The following ZP4 variants were observed in gnomAD, a reference collection of about 807,000 sequenced individuals.
ZP4 encodes zona pellucida glycoprotein 4, also known as zona pellucida sperm-binding protein 4.
A neutral mutation model predicts 62.3 loss-of-function variants in ZP4; 62 were observed. The observed-to-expected ratio is 0.99, with a 90% confidence interval of 0.81 to 1.23. The LOEUF (loss-of-function observed/expected upper bound fraction) is 1.23, where lower values mean the gene tolerates loss of function less well. Ranked by LOEUF, ZP4 falls within the 50% of genes most tolerant of loss-of-function variation. ZP4 has a pLI of 0.00. For missense variants in ZP4, 774 were observed against 656.0 expected, an observed-to-expected ratio of 1.18 and a Z score of -1.97; for synonymous variants, 289 against 247.3, an observed-to-expected ratio of 1.17 and a Z score of -1.58.
In ZP4 at chr1:237,882,536, G is replaced by A; in HGVS notation, c.1509C>T (p.Asp503=). ...DPPEKLRVPV[D]SKVLWVAGLS... is the part of the protein sequence containing the mutation. Reference sequence around the variant, plus strand: ...GGCCTGCCACCCACAGAACTTTCGAGTCTACAGGAACACCTGGAGGATGGA... The same window carrying A: ...GGCCTGCCACCCACAGAACTTTCGAATCTACAGGAACACCTGGAGGATGGA... The change falls in exon 12 of 12, where the codon GAC becomes GAT. Residue 503 remains aspartate (D), a synonymous_variant. Transcript: ENST00000366570. 1 of 1,603,354 alleles carries A rather than the reference G, an allele frequency of 6.2e-7. No individual in the cohort carries two copies. Among genetic ancestry groups the A allele is most frequent in the Non-Finnish European group, 8.5e-7 (1 of 1,176,808 alleles).
At chr1:237,884,900 C>T in intron 9 of ZP4, 53 bp from the exon 10 acceptor site, 1 of 1,570,312 alleles carries the variant, frequency 6.4e-7, no homozygotes, top group Non-Finnish European at 8.7e-7. Flanking sequence ...CCATGTATCT[C>T]TAAACCTGCT....
In ZP4 at chr1:237,887,079, A is replaced by G. The variant is rs1665120764; in HGVS notation, c.742-211T>C. Among the ~76,000 whole-genome samples, 3 of 152,204 alleles carry G rather than the reference A, an allele frequency of 2.0e-5. No homozygotes were observed. In the South Asian group the frequency reaches 6.2e-4, roughly 32 times the overall value. ...GGAATAAGAAGGAATTTGAGCACCT[A>G]GGAGAGGCAGCTGAAGCACTACCAA... On this transcript the variant is annotated intron_variant, in intron 5 of 11. Coordinates refer to ENST00000366570, the MANE Select transcript of ZP4 (RefSeq NM_021186.5).
intron 10 of ZP4, 52 bp from the exon 11 acceptor site, chr1:237,882,898 AGGGATAGAAAATG>A (rs1664950337): frequency 1.3e-6 from 2 of 1,515,248 alleles, no homozygotes; most frequent in East Asian, 4.5e-5. Context: ...CACATAGGGC[AGGGATAGAAAATG>A]TTATGGTGCA....
Position 237,887,001 on chromosome 1 carries a change from C to T in ZP4, c.742-133G>A, listed in dbSNP as rs1246464718. 25 of 771,496 alleles carry T rather than the reference C, an allele frequency of 3.2e-5. 1 individual carries two copies. In the South Asian group the frequency reaches 3.5e-4, roughly 11 times the overall value. The allele number at this position is 771,496 out of a possible 1,614,324, so 47.8% of individuals were successfully genotyped here. A position where few individuals can be genotyped will look rare whatever the true frequency, so the allele number is the denominator to read the frequency against. On this transcript the variant is annotated intron_variant, in intron 5 of 11. Coordinates refer to ENST00000366570, the MANE Select transcript of ZP4 (RefSeq NM_021186.5). ...CCTATTACTTCAGCAGAGGTAAGAACACATAGCAGTGACATCCTGGCAAGT... is the reference window on the plus strand; with the variant it reads ...CCTATTACTTCAGCAGAGGTAAGAATACATAGCAGTGACATCCTGGCAAGT...
chr1:237,887,065 G>C (rs1665120471), intron 5 of ZP4, among the ~76,000 whole-genome samples, 197 bp from the exon 6 acceptor site: 1 of 152,168 alleles, frequency 6.6e-6, no homozygotes, highest in African/African-American at 2.4e-5. Context: ...GAATAAGAAG[G>C]AATTTGAGCA....
rs748586091 is a variant in ZP4, at chr1:237,882,835, A to G, written c.1402T>C (p.Phe468Leu). 1 of 1,613,442 alleles carries G rather than the reference A, an allele frequency of 6.2e-7. No homozygotes were observed. The highest frequency in any genetic ancestry group is 1.1e-5 in the South Asian group (1 of 91,036). ...GTAGTGTTCTGAGAACTGTTGTCAAAATTTCTTCTTCCTGTTAGAGAAATG... is the reference window on the plus strand; with the variant it reads ...GTAGTGTTCTGAGAACTGTTGTCAAGATTTCTTCTTCCTGTTAGAGAAATG... The part of the protein sequence containing the change: ...TCPDLSRRRN[F>L]DNSSQNTTAS... Residue 468 changes from phenylalanine to leucine, a missense_variant, in exon 11 of 12, where the codon TTT (phenylalanine) becomes CTT (leucine). Coordinates refer to ENST00000366570, the MANE Select transcript of ZP4 (RefSeq NM_021186.5).
intron 10 of ZP4, among the ~76,000 whole-genome samples, chr1:237,883,724 CGGGG>C (rs1664985270): frequency 2.4e-4 from 2 of 8,474 alleles, no homozygotes; most frequent in African/African-American, 3.0e-4. Context: ...CGGGGGAGGG[CGGGG>C]GAGGGAGAGA....
rs770619492 is a variant in ZP4, at chr1:237,890,093, A to G, written c.259T>C (p.Leu87=). Residue 87 remains leucine (L), a synonymous_variant, in exon 2 of 12, where the codon TTG becomes CTG. Transcript: ENST00000366570. ...TAGCAGCTGCTATAGGTTGCCTCCA[A>G]CACCACGGAGCTGCCTGGACCTTTT... ...IRKGPGSSVV[L]EATYSSCYVT... is the part of the protein sequence containing the mutation. 18 of 1,614,104 alleles carry G rather than the reference A, an allele frequency of 1.1e-5. No individual in the cohort carries two copies. The highest frequency in any genetic ancestry group is 1.5e-5 in the Non-Finnish European group (18 of 1,180,026).
rs1356859018 is a variant in ZP4, at chr1:237,887,558, G to T, written c.557C>A (p.Thr186Asn). 6.2e-7 allele frequency: 1 copy of T among 1,613,686 alleles called. No individual in the cohort carries two copies. The change falls in exon 5 of 12, where the codon ACC (threonine) becomes AAC (asparagine). Residue 186 changes from threonine (T) to asparagine (N), a missense_variant. Coordinates refer to ENST00000366570, the MANE Select transcript of ZP4 (RefSeq NM_021186.5). Reference protein sequence around the residue: ...VNSCYYGNTVTLHCTREGHFS... With the variant: ...VNSCYYGNTVNLHCTREGHFS... Reference sequence around the variant, plus strand: ...ATGGCCCTCTCGGGTACAATGCAAGGTCACTGAAACAGAGCAGCTGTGCTG... The same window carrying T: ...ATGGCCCTCTCGGGTACAATGCAAGTTCACTGAAACAGAGCAGCTGTGCTG...
intron 10 of ZP4, among the ~76,000 whole-genome samples, chr1:237,884,031 CAAACACACACAA>C (rs1329280433): frequency 0.011 from 1,061 of 100,608 alleles, 36 homozygotes; most frequent in African/African-American, 0.034. Context: ...CACACACACA[CAAACACACACAA>C]ACACACACAA....
intron 10 of ZP4, among the ~76,000 whole-genome samples, chr1:237,883,962 A>G: frequency 1.3e-5 from 1 of 78,534 alleles, no homozygotes; most frequent in Non-Finnish European, 2.3e-5. Flanking sequence ...CTGGTCACAC[A>G]CACAAACACA....
chr1:237,884,245 T>C (rs1323177390), intron 10 of ZP4, among the ~76,000 whole-genome samples: 2 of 152,208 alleles, frequency 1.3e-5, no homozygotes, highest in African/African-American at 4.8e-5. Context: ...TTAGTTACTA[T>C]GAGTTTTGCT....
chr1:237,889,855 T>A lies in ZP4; in HGVS notation c.400+12A>T. 1 of 1,609,084 alleles carries A rather than the reference T, an allele frequency of 6.2e-7. No individual in the cohort carries two copies. Among genetic ancestry groups the A allele is most frequent in the Non-Finnish European group, 8.5e-7 (1 of 1,175,826 alleles). ...CCACCCCCACAAGACCCTGAGAGCT[T>A]CCAGCCTTTACCTAGAAGATCCATA... On this transcript the variant is annotated intron_variant, in intron 3 of 11. Transcript: ENST00000366570.
At chr1:237,890,312 T>A in intron 1 of ZP4, 136 bp from the exon 2 acceptor site, 1 of 1,513,720 alleles carries the variant, frequency 6.6e-7, no homozygotes, top group Non-Finnish European at 9.0e-7. Context: ...TCAGATCAGA[T>A]GTAGTTATAA....
Position 237,885,785 on chromosome 1 carries a change from G to T in ZP4, c.941C>A (p.Pro314His). The T allele has an allele frequency of 1.2e-6, 2 of 1,614,066 alleles. No individual in the cohort carries two copies. Among genetic ancestry groups the T allele is most frequent in the Non-Finnish European group, 1.7e-6 (2 of 1,180,020 alleles). ...PPPFPETQPG[P>H]LTLELQIAKD... ...GGCAATCTGAAGTTCCAGAGTGAGG[G>T]GTCCAGGCTGGGTCTCAGGAAAGGG... Residue 314 changes from proline (P) to histidine (H), a missense_variant, in exon 7 of 12, where the codon CCC becomes CAC. Physicochemically the swap from Pro to His is moderately conservative, Grantham distance 77. Coordinates refer to ENST00000366570, the MANE Select transcript of ZP4 (RefSeq NM_021186.5).
intron 3 of ZP4, 46 bp from the exon 4 acceptor site, chr1:237,888,556 A>T: frequency 6.5e-7 from 1 of 1,539,014 alleles, no homozygotes. Context: ...TGGAAAAGTT[A>T]GTCTTGAATA....
chr1:237,885,954 T>G, intron 6 of ZP4, 68 bp from the exon 7 acceptor site: 2 of 1,593,848 alleles, frequency 1.3e-6, no homozygotes, highest in East Asian at 4.5e-5. Flanking sequence ...TCCTTTCTTT[T>G]TAACTCAAGG....
chr1:237,882,479 T>G lies in ZP4; in HGVS notation c.1566A>C (p.Leu522Phe). The G allele has an allele frequency of 6.2e-7, 1 of 1,609,660 alleles. No homozygotes were observed. The highest frequency in any genetic ancestry group is 8.5e-7 in the Non-Finnish European group (1 of 1,179,060). Residue 522 changes from leucine to phenylalanine, a missense_variant, in exon 12 of 12, where the codon TTA (leucine) becomes TTC (phenylalanine). By Grantham distance (22) the Leu-to-Phe change is conservative. Transcript: ENST00000366570. ...LSGTLILGALLVSYLAVKKQK... is the reference protein window; with the variant it reads ...LSGTLILGALFVSYLAVKKQK... ...GTTTCTTGACAGCCAAGTAGGATAC[T>G]AACAAGGCTCCAAGGATTAAGGTCC...
chr1:237,889,315 ATTTT>A (rs11348205), intron 3 of ZP4, among the ~76,000 whole-genome samples: 47 of 125,712 alleles, frequency 3.7e-4, no homozygotes, highest in African/African-American at 1.2e-3. Context: ...GATAGGTTGT[ATTTT>A]TTTTTTTTTT....
Sources: allele counts gnomAD v4.1 joint callset (sites outside exome capture counted in the v4.1 genomes callset), GRCh38; gene constraint gnomAD v4.1.1; transcripts MANE v1.5; gene names NCBI Gene and HGNC (gene_info 2026-07-23, HGNC 2026-07-21).